CDH18: variants seen among roughly 807,000 people sequenced by gnomAD.
CDH18 encodes the protein cadherin 18, also known as cadherin-18.
CDH18 carries 31 observed loss-of-function variants against 67.9 expected under a neutral mutation model. The observed-to-expected ratio is 0.46, with a 90% CI of 0.34 to 0.62. The LOEUF (loss-of-function observed/expected upper bound fraction) is 0.62, where lower values mean the gene tolerates loss of function less well. CDH18 is among the 20% of genes least tolerant of loss of function. The probability of loss-of-function intolerance (pLI) is 0.01; values close to 1 mark genes in which losing one functional copy is unlikely to be tolerated. For synonymous variants in CDH18, 362 were observed against 347.2 expected (o/e 1.04, Z -0.48); for missense variants, 890 against 975.5 (o/e 0.91, Z 1.17).
chr5:19,491,184 T>C (rs1384580665), intron 11 of CDH18, among the ~76,000 whole-genome samples: 4 of 152,314 alleles, frequency 2.6e-5, no homozygotes, highest in East Asian at 1.9e-4. Context: ...ATAAAATCCA[T>C]GTGTTCCAAC....
chr5:19,543,900 C>T lies in CDH18; in HGVS notation c.1359G>A (p.Trp453Ter). ...TKVLDREETPWYNITVTASEI... is the reference protein window; with the variant it reads ...TKVLDREETP ...CTGAAGCAGTGACTGTGATGTTGTA[C>T]CATGGAGTTTCTTCTCTGTCGAGAA... is the stretch of plus-strand genomic sequence containing the variant. Residue 453 changes from tryptophan (W) to a stop codon, truncating the protein, a stop_gained, in exon 9 of 13, where the codon TGG becomes TGA. Transcript: ENST00000382275. LOFTEE classifies it high-confidence loss of function. 1 of 1,589,374 alleles carries T rather than the reference C, an allele frequency of 6.3e-7. No homozygotes were observed. Among genetic ancestry groups the T allele is most frequent in the South Asian group, 1.1e-5 (1 of 87,344 alleles).
chr5:20,284,341 C>A (rs991520057), intron 1 of CDH18, among the ~76,000 whole-genome samples: 1 of 151,706 alleles, frequency 6.6e-6, no homozygotes, highest in Admixed American at 6.6e-5. Context: ...CAAAATATCT[C>A]GTGTAACCCA....
chr5:20,550,831 C>T (rs1757593688), intron 1 of CDH18, among the ~76,000 whole-genome samples: 1 of 152,054 alleles, frequency 6.6e-6, no homozygotes, highest in African/African-American at 2.4e-5. Context: ...AAGCCTGGTG[C>T]CAGCATCTGC....
intron 1 of CDH18, among the ~76,000 whole-genome samples, chr5:20,260,420 C>T (rs1316189823): frequency 6.6e-6 from 1 of 151,878 alleles, no homozygotes; most frequent in East Asian, 2.0e-4. Flanking sequence ...ACACTGAGGC[C>T]TCTTATATAT....
At chr5:19,958,363 A>G (rs1259551192) in intron 2 of CDH18, among the ~76,000 whole-genome samples, 3 of 113,280 alleles carry the variant, frequency 2.6e-5, no homozygotes, top group Non-Finnish European at 5.6e-5. Context: ...ACTCAATAGG[A>G]TGATCTTTCC....
chr5:19,922,801 G>C (rs1469152883), intron 2 of CDH18, among the ~76,000 whole-genome samples: 2 of 151,992 alleles, frequency 1.3e-5, no homozygotes, highest in Non-Finnish European at 2.9e-5. Context: ...TAAAAGAATT[G>C]AACAAGAAAA....
chr5:19,755,466 C>T lies in CDH18; in HGVS notation c.229-8230G>A, dbSNP rs1407602181. Among the ~76,000 whole-genome samples the T allele has an allele frequency of 1.5e-3, 35 of 23,736 alleles. 2 individuals are homozygous for T. Among genetic ancestry groups the T allele is most frequent in the South Asian group, 6.3e-3 (2 of 320 alleles). The allele number at this position is 23,736 out of a possible 152,430, so 15.6% of individuals were successfully genotyped here. Reference sequence around the variant, plus strand: ...ATATATATATATATATATACACACACACACACACATACATAGATATATACA... The same window carrying T: ...ATATATATATATATATATACACACATACACACACATACATAGATATATACA... On this transcript the variant is annotated intron_variant, in intron 3 of 12. Coordinates refer to ENST00000382275, the MANE Select transcript of CDH18 (RefSeq NM_004934.5).
At chr5:19,608,971 T>C (rs1182817525) in intron 6 of CDH18, among the ~76,000 whole-genome samples, 1 of 151,920 alleles carries the variant, frequency 6.6e-6, no homozygotes, top group Non-Finnish European at 1.5e-5. Context: ...GTTTGTTTTG[T>C]AAACTTTCAT....
intron 3 of CDH18, among the ~76,000 whole-genome samples, chr5:19,762,508 C>T (rs7736227): frequency 2.7e-3 from 416 of 152,182 alleles, no homozygotes; most frequent in African/African-American, 9.1e-3. Flanking sequence ...TCATCACTGG[C>T]CATCAGAGAA....
chr5:19,593,735 C>CTTCTTG (rs1561426423), intron 6 of CDH18, among the ~76,000 whole-genome samples: 1 of 140,796 alleles, frequency 7.1e-6, no homozygotes. Flanking sequence ...TCTTCTTCTT[C>CTTCTTG]TTCTTCTTCT....
chr5:20,166,673 C>T (rs939491479), intron 2 of CDH18, among the ~76,000 whole-genome samples: 1 of 152,042 alleles, frequency 6.6e-6, no homozygotes, highest in Non-Finnish European at 1.5e-5. Flanking sequence ...TAAAAAGCTT[C>T]TTAGTAGCAG....
chr5:20,057,359 C>T (rs921907156), intron 2 of CDH18, among the ~76,000 whole-genome samples: 2 of 152,006 alleles, frequency 1.3e-5, no homozygotes, highest in Admixed American at 1.3e-4. Flanking sequence ...AATTTTCCAT[C>T]GTGAATAATC....
chr5:20,021,893 A>G (rs796198097), intron 2 of CDH18, among the ~76,000 whole-genome samples: 29 of 152,330 alleles, frequency 1.9e-4, no homozygotes, highest in African/African-American at 6.7e-4. Context: ...TTTTCTTTCA[A>G]TGAGCAGAAG....
chr5:19,928,919 T>C (rs990941545), intron 2 of CDH18, among the ~76,000 whole-genome samples: 1 of 152,152 alleles, frequency 6.6e-6, no homozygotes, highest in Non-Finnish European at 1.5e-5. Context: ...GTCAGAGGCA[T>C]TCCTGGAGAC....
intron 2 of CDH18, among the ~76,000 whole-genome samples, chr5:19,897,890 C>A (rs1228401448): frequency 6.6e-6 from 1 of 151,960 alleles, no homozygotes; most frequent in East Asian, 1.9e-4. Context: ...GGGTGAACAG[C>A]AATTAGCATA....
chr5:19,474,311 C>T (rs1042041922), intron 12 of CDH18, among the ~76,000 whole-genome samples: 2 of 152,170 alleles, frequency 1.3e-5, no homozygotes, highest in Admixed American at 6.6e-5. Flanking sequence ...CATTCAGGGA[C>T]AAAATAATGT....
At chr5:19,987,559 T>C (rs1799698299) in intron 1 of CDH18, among the ~76,000 whole-genome samples, 1 of 151,558 alleles carries the variant, frequency 6.6e-6, no homozygotes, top group Non-Finnish European at 1.5e-5. Context: ...AATGAAAGAA[T>C]ATAAATGAGG....
chr5:19,498,105 T>G (rs1742649813), intron 11 of CDH18, among the ~76,000 whole-genome samples: 1 of 152,128 alleles, frequency 6.6e-6, no homozygotes, highest in South Asian at 2.1e-4. Context: ...TAAGGAATCT[T>G]AAATTTAGGG....
chr5:20,439,639 T>G (rs1177730841), intron 1 of CDH18, among the ~76,000 whole-genome samples: 1 of 151,770 alleles, frequency 6.6e-6, no homozygotes, highest in Non-Finnish European at 1.5e-5. Context: ...TCCAATCTAT[T>G]TTATACTTGA....
Sources: gnomAD v4.1 joint callset for allele counts (sites outside exome capture counted in the v4.1 genomes callset) on GRCh38, gnomAD v4.1.1 for gene constraint, MANE v1.5 for transcripts, NCBI Gene and HGNC (gene_info 2026-07-23, HGNC 2026-07-21) for gene names.